Variants in GABRB1 observed in about 807,000 individuals in gnomAD.
GABRB1 encodes gamma-aminobutyric acid type A receptor subunit beta1, also known as gamma-aminobutyric acid receptor subunit beta-1.
Under a neutral mutation model 51.6 loss-of-function variants are expected in GABRB1, and 17 were observed. The observed-to-expected ratio is 0.33, with a 90% CI of 0.23 to 0.49. The LOEUF is 0.49. Among genes scored for constraint, GABRB1 ranks in the 20% least tolerant of loss-of-function variants. The pLI is 0.99. For missense variants in GABRB1, 410 were observed against 600.6 expected (o/e 0.68, Z 3.32); for synonymous variants, 247 against 218.9 (o/e 1.13, Z -1.14).
At chr4:47,421,167 T>C (rs1287400796) in intron 8 of GABRB1, among the ~76,000 whole-genome samples, 1 of 151,030 alleles carries the variant, frequency 6.6e-6, no homozygotes, top group Non-Finnish European at 1.5e-5. Flanking sequence ...TTATCTTAAA[T>C]GTCAAACCAC....
chr4:47,158,296 G>A (rs1717786972), intron 3 of GABRB1, among the ~76,000 whole-genome samples: 2 of 152,010 alleles, frequency 1.3e-5, no homozygotes, highest in African/African-American at 4.8e-5. Flanking sequence ...AATTAAAATT[G>A]TGTATATTTA....
At chr4:47,136,777 A>C (rs866885171) in intron 3 of GABRB1, among the ~76,000 whole-genome samples, 3 of 152,136 alleles carry the variant, frequency 2.0e-5, no homozygotes, top group African/African-American at 7.2e-5. Flanking sequence ...AGATCCATAT[A>C]TGCATACTTT....
intron 5 of GABRB1, among the ~76,000 whole-genome samples, chr4:47,326,169 C>T (rs1172347225): frequency 6.6e-6 from 1 of 152,154 alleles, no homozygotes; most frequent in Non-Finnish European, 1.5e-5. Flanking sequence ...ATACTTCCTA[C>T]CTATTAATCA....
At chr4:47,410,289 C>G (rs574822110) in intron 8 of GABRB1, among the ~76,000 whole-genome samples, 3 of 152,258 alleles carry the variant, frequency 2.0e-5, no homozygotes, top group African/African-American at 7.2e-5. Context: ...GGGCAGAGTA[C>G]TTTGTATCAG....
At chr4:47,239,170 G>A (rs899379332) in intron 4 of GABRB1, among the ~76,000 whole-genome samples, 4 of 152,158 alleles carry the variant, frequency 2.6e-5, no homozygotes, top group African/African-American at 9.7e-5. Flanking sequence ...GTACACCCAT[G>A]TAACTATCTC....
intron 4 of GABRB1, among the ~76,000 whole-genome samples, chr4:47,208,541 C>A (rs1720228197): frequency 6.6e-6 from 1 of 151,666 alleles, no homozygotes; most frequent in African/African-American, 2.4e-5. Context: ...TATAATATAC[C>A]AAAAAACATT....
intron 4 of GABRB1, among the ~76,000 whole-genome samples, chr4:47,237,142 G>A: frequency 6.6e-6 from 1 of 151,780 alleles, no homozygotes; most frequent in Non-Finnish European, 1.5e-5. Context: ...AAATGAAAAA[G>A]GTTATAATTT....
At chr4:47,222,978 T>C (rs1720818104) in intron 4 of GABRB1, among the ~76,000 whole-genome samples, 1 of 152,088 alleles carries the variant, frequency 6.6e-6, no homozygotes, top group South Asian at 2.1e-4. Flanking sequence ...AGAAAAATAT[T>C]AAATGACACC....
At chr4:47,306,070 A>G (rs1724457326) in intron 4 of GABRB1, among the ~76,000 whole-genome samples, 1 of 152,068 alleles carries the variant, frequency 6.6e-6, no homozygotes, top group African/African-American at 2.4e-5. Context: ...TTGTCTAAGG[A>G]TATCAAACTG....
Position 47,086,863 on chromosome 4 carries a change from T to C in GABRB1, c.240+54379T>C, listed in dbSNP as rs1011836675. Among the ~76,000 whole-genome samples the C allele has an allele frequency of 2.0e-5, 3 of 152,218 alleles. No homozygotes were observed. The South Asian group carries it at 6.2e-4, about 32-fold the overall frequency. ...CTGCTGGAGCGTGGTACCTCAGTAC[T>C]GCTTCTGATACCTCCATGGGAGTGG... On this transcript the variant is annotated intron_variant, in intron 3 of 8. Transcript: ENST00000295454.
intron 5 of GABRB1, among the ~76,000 whole-genome samples, chr4:47,372,789 C>G (rs1037407312): frequency 4.6e-5 from 7 of 152,158 alleles, no homozygotes; most frequent in Non-Finnish European, 1.0e-4. Context: ...AAGACTGCCT[C>G]TCTTTGGGTA....
intron 1 of GABRB1, among the ~76,000 whole-genome samples, chr4:47,001,147 A>AT (rs1724165757): frequency 6.6e-6 from 1 of 151,890 alleles, no homozygotes; most frequent in African/African-American, 2.4e-5. Flanking sequence ...TTTTATGTTT[A>AT]TTTTTTATTT....
At chr4:47,061,638 G>A (rs964564599) in intron 3 of GABRB1, among the ~76,000 whole-genome samples, 11 of 152,114 alleles carry the variant, frequency 7.2e-5, no homozygotes, top group African/African-American at 7.2e-5. Flanking sequence ...AGTGAGCAAC[G>A]CAAAGTTCAA....
intron 3 of GABRB1, among the ~76,000 whole-genome samples, chr4:47,135,987 T>C (rs972822742): frequency 7.2e-5 from 11 of 151,988 alleles, no homozygotes; most frequent in African/African-American, 2.7e-4. Flanking sequence ...CTGGTTTTTG[T>C]GGGGTTTGTT....
At chr4:47,135,836 A>G (rs1302888553) in intron 3 of GABRB1, among the ~76,000 whole-genome samples, 1 of 152,130 alleles carries the variant, frequency 6.6e-6, no homozygotes, top group African/African-American at 2.4e-5. Flanking sequence ...AGACATATTT[A>G]CTATTTGAAA....
chr4:47,285,249 C>T (rs1198477134), intron 4 of GABRB1, among the ~76,000 whole-genome samples: 2 of 152,168 alleles, frequency 1.3e-5, no homozygotes, highest in African/African-American at 4.8e-5. Context: ...ACATATGGTA[C>T]CCAGTTAGTT....
chr4:47,246,376 A>ATG (rs1721758489), intron 4 of GABRB1, among the ~76,000 whole-genome samples: 1 of 46,376 alleles, frequency 2.2e-5, no homozygotes, highest in African/African-American at 1.1e-4. Flanking sequence ...ATATATATAT[A>ATG]TATATATATA....
intron 3 of GABRB1, among the ~76,000 whole-genome samples, chr4:47,054,954 CTTAG>C (rs1222741878): frequency 2.6e-5 from 4 of 152,102 alleles, no homozygotes; most frequent in Non-Finnish European, 4.4e-5. Flanking sequence ...ATAAAGGTGA[CTTAG>C]TTATTTTTAA....
chr4:47,188,562 T>G (rs1194039372), intron 4 of GABRB1, among the ~76,000 whole-genome samples: 1 of 151,944 alleles, frequency 6.6e-6, no homozygotes, highest in Non-Finnish European at 1.5e-5. Context: ...CTCTTCAAGT[T>G]CATTGGTTTG....
Sources: allele counts gnomAD v4.1 joint callset (sites outside exome capture counted in the v4.1 genomes callset), GRCh38; gene constraint gnomAD v4.1.1; transcripts MANE v1.5; gene names NCBI Gene and HGNC (gene_info 2026-07-23, HGNC 2026-07-21).